Variants in NCK2 observed in about 807,000 individuals in gnomAD.
NCK2 encodes the protein cytoplasmic protein NCK2.
In NCK2, 16 loss-of-function variants were observed where a neutral mutation model predicts 33.9. The observed-to-expected ratio is 0.47, with a 90% CI of 0.32 to 0.72. NCK2 has a LOEUF of 0.72. Among genes scored for constraint, NCK2 ranks in the 30% least tolerant of loss-of-function variants. The pLI is 0.03. For missense variants in NCK2, 418 were observed against 537.3 expected, an observed-to-expected ratio of 0.78 and a Z score of 2.19; for synonymous variants, 273 against 239.9, an observed-to-expected ratio of 1.14 and a Z score of -1.27.
chr2:105,755,735 G>T (rs942154582), intron 1 of NCK2, among the ~76,000 whole-genome samples: 3 of 151,162 alleles, frequency 2.0e-5, no homozygotes, highest in African/African-American at 7.4e-5. Context: ...TCTCAGCTGG[G>T]GCAGTTTTGC....
chr2:105,765,805 G>C (rs143706220), intron 1 of NCK2, among the ~76,000 whole-genome samples: 2,845 of 151,492 alleles, frequency 0.019, 49 homozygotes, highest in Non-Finnish European at 0.022. Context: ...GTGTGTGTGT[G>C]TGTGTGTGTG....
rs1487723500 is a variant in NCK2, at chr2:105,801,364, C to A, written c.-200-15066C>A. Among the ~76,000 whole-genome samples, 3 of 152,154 alleles carry A rather than the reference C, an allele frequency of 2.0e-5. No individual in the cohort carries two copies. In the East Asian group the frequency reaches 5.8e-4, roughly 29 times the overall value. The stretch of plus-strand genomic sequence containing the variant: ...GACCAGCTCACTCGGCTTGCCTCCC[C>A]CCTTCCCCATGTCATCGTGTGCACC... On this transcript the variant is annotated intron_variant, in intron 1 of 4. Coordinates refer to ENST00000233154, the MANE Select transcript of NCK2 (RefSeq NM_003581.5).
At chr2:105,768,516 T>A (rs1445883689) in intron 1 of NCK2, among the ~76,000 whole-genome samples, 6 of 152,330 alleles carry the variant, frequency 3.9e-5, no homozygotes, top group Admixed American at 2.6e-4. Context: ...CACTTCAGGT[T>A]CCATAATTTG....
chr2:105,810,040 G>T (rs1475457738), intron 1 of NCK2, among the ~76,000 whole-genome samples: 1 of 152,172 alleles, frequency 6.6e-6, no homozygotes, highest in African/African-American at 2.4e-5. Context: ...GCAGGGCCAG[G>T]GCTGAGAGGG....
At chr2:105,766,733 G>T (rs1689959747) in intron 1 of NCK2, among the ~76,000 whole-genome samples, 1 of 152,196 alleles carries the variant, frequency 6.6e-6, no homozygotes, top group Admixed American at 6.5e-5. Context: ...CATCGAACCA[G>T]CCCTGGCTCT....
intron 1 of NCK2, among the ~76,000 whole-genome samples, chr2:105,800,157 T>C (rs1421197525): frequency 2.0e-5 from 3 of 152,154 alleles, no homozygotes. Flanking sequence ...GGCTGCACCG[T>C]ATAGTCTGGC....
At chr2:105,830,940 G>T (rs1676162335) in intron 2 of NCK2, among the ~76,000 whole-genome samples, 1 of 151,994 alleles carries the variant, frequency 6.6e-6, no homozygotes, top group African/African-American at 2.4e-5. Context: ...TTGTTTTGCT[G>T]TTGAGTTTTT....
At chr2:105,810,995 GA>G (rs1200035281) in intron 1 of NCK2, among the ~76,000 whole-genome samples, 1 of 152,050 alleles carries the variant, frequency 6.6e-6, no homozygotes, top group East Asian at 1.9e-4. Flanking sequence ...CCAACATGGT[GA>G]AACCCCGTCT....
At chr2:105,778,797 G>A (rs1033386398) in intron 1 of NCK2, among the ~76,000 whole-genome samples, 4 of 151,814 alleles carry the variant, frequency 2.6e-5, no homozygotes, top group Non-Finnish European at 5.9e-5. Context: ...ATCATAGCTC[G>A]CTGCAGCCTC....
intron 4 of NCK2, among the ~76,000 whole-genome samples, chr2:105,883,123 C>T (rs1328897958): frequency 6.6e-6 from 1 of 152,120 alleles, no homozygotes; most frequent in African/African-American, 2.4e-5. Context: ...ATCAATTTTG[C>T]GGAGCCTTAC....
chr2:105,880,936 A>ATTTTTTTTTTTTTTTTTT (rs59005322), intron 3 of NCK2, among the ~76,000 whole-genome samples: 1 of 103,542 alleles, frequency 9.7e-6, no homozygotes, highest in Non-Finnish European at 1.9e-5. Context: ...CAGGTGGCTA[A>ATTTTTTTTTTTTTTTTTT]TTTTTTTTTT....
chr2:105,856,804 C>A lies in NCK2; in HGVS notation c.226+1515C>A, dbSNP rs1002785692. ...ATGCTCCTTCTCCACTGAGCTGCCT[C>A]CCTTTCATCTTTTCTTCCCCCACAT... On this transcript the variant is annotated intron_variant, in intron 3 of 4. Coordinates refer to ENST00000233154, the MANE Select transcript of NCK2 (RefSeq NM_003581.5). 5 of 152,186 alleles carry A rather than the reference C, an allele frequency of 3.3e-5. No homozygotes were observed. In the East Asian group the frequency reaches 5.8e-4, roughly 18 times the overall value. The allele number at this position is 152,186 out of a possible 1,614,324, so 9.4% of individuals were successfully genotyped here.
chr2:105,792,802 G>A (rs978789094), intron 1 of NCK2, among the ~76,000 whole-genome samples: 2 of 152,160 alleles, frequency 1.3e-5, no homozygotes, highest in African/African-American at 2.4e-5. Context: ...CTATCAGGCC[G>A]AGGCCCATGT....
chr2:105,802,372 A>T (rs1420081494), intron 1 of NCK2, among the ~76,000 whole-genome samples: 1 of 152,182 alleles, frequency 6.6e-6, no homozygotes, highest in East Asian at 1.9e-4. Flanking sequence ...CATCTGTCTT[A>T]GTCTGTTTGC....
chr2:105,766,907 C>G (rs1471660487), intron 1 of NCK2, among the ~76,000 whole-genome samples: 1 of 152,206 alleles, frequency 6.6e-6, no homozygotes, highest in Non-Finnish European at 1.5e-5. Flanking sequence ...AGGCTTCTGG[C>G]TCCGTCTTCC....
intron 1 of NCK2, among the ~76,000 whole-genome samples, chr2:105,811,722 C>T (rs1675299141): frequency 6.6e-6 from 1 of 152,112 alleles, no homozygotes; most frequent in Admixed American, 6.5e-5. Flanking sequence ...GTGCGGGTCT[C>T]CTGTCCAGCC....
intron 1 of NCK2, among the ~76,000 whole-genome samples, chr2:105,810,333 C>T (rs779645389): frequency 2.6e-5 from 4 of 151,714 alleles, no homozygotes; most frequent in African/African-American, 4.8e-5. Context: ...AGAGAGAGAG[C>T]GAGCGAGCAA....
At chr2:105,869,758 T>C (rs190146125) in intron 3 of NCK2, among the ~76,000 whole-genome samples, 55 of 152,322 alleles carry the variant, frequency 3.6e-4, no homozygotes, top group Non-Finnish European at 7.4e-5. Flanking sequence ...CAAAAACGCT[T>C]GGGCTCATGG....
intron 1 of NCK2, among the ~76,000 whole-genome samples, chr2:105,779,177 C>T (rs1434566296): frequency 6.6e-6 from 1 of 151,808 alleles, no homozygotes; most frequent in Non-Finnish European, 1.5e-5. Context: ...CATGGTGGCA[C>T]ATGCCTGTAG....
Sources: gnomAD v4.1 joint callset for allele counts (sites outside exome capture counted in the v4.1 genomes callset) on GRCh38, gnomAD v4.1.1 for gene constraint, MANE v1.5 for transcripts, NCBI Gene and HGNC (gene_info 2026-07-23, HGNC 2026-07-21) for gene names.